Variants in RNF126 observed in about 807,000 individuals in gnomAD.
RNF126 encodes the protein ring finger protein 126, also known as E3 ubiquitin-protein ligase RNF126.
A neutral mutation model predicts 41.9 loss-of-function variants in RNF126; 20 were observed. The observed-to-expected ratio is 0.48, with a 90% CI of 0.34 to 0.69. RNF126 has a LOEUF of 0.69. RNF126 is among the 30% of genes least tolerant of loss of function. RNF126 has a pLI of 0.01. For missense variants in RNF126, 433 were observed against 460.6 expected (o/e 0.94, Z 0.55); for synonymous variants, 239 against 202.9 (o/e 1.18, Z -1.51).
intron 1 of RNF126, among the ~76,000 whole-genome samples, chr19:662,184 G>A (rs1244112527): frequency 2.0e-5 from 3 of 152,160 alleles, no homozygotes; most frequent in Admixed American, 2.0e-4. Context: ...AGACTGCTGA[G>A]CGCATTCCAC....
intron 1 of RNF126, among the ~76,000 whole-genome samples, chr19:653,409 C>T (rs138500516): frequency 1.4e-4 from 21 of 152,364 alleles, no homozygotes; most frequent in Admixed American, 2.0e-4. Context: ...ATGGTGATGT[C>T]CCAGAGGAGA....
rs1214025260 is a variant in RNF126 at position 652,263 on chromosome 19, A to G, written c.168T>C (p.Ala56=). Residue 56 remains alanine, a synonymous_variant, in exon 3 of 9, where the codon GCT becomes GCC. Coordinates refer to ENST00000292363, the MANE Select transcript of RNF126 (RefSeq NM_194460.3). ...STENGSAPST[A]PTDQSRPPLE... ...ACGGTGGCCGGCTCTGGTCTGTGGGAGCTGTGGAGGGGGCAGAACCATTTT... is the reference window on the plus strand; with the variant it reads ...ACGGTGGCCGGCTCTGGTCTGTGGGGGCTGTGGAGGGGGCAGAACCATTTT... The G allele has an allele frequency of 1.3e-6, 2 of 1,550,038 alleles. No individual in the cohort carries two copies. Among genetic ancestry groups the G allele is most frequent in the African/African-American group, 1.4e-5 (1 of 71,984 alleles).
intron 1 of RNF126, among the ~76,000 whole-genome samples, chr19:660,123 C>T (rs796235227): frequency 9.8e-5 from 15 of 152,358 alleles, no homozygotes; most frequent in East Asian, 3.9e-4. Context: ...CCTGAGCCCC[C>T]GACCGCAAGT....
At chr19:653,836 G>A (rs1038860358) in intron 1 of RNF126, among the ~76,000 whole-genome samples, 3 of 152,250 alleles carry the variant, frequency 2.0e-5, no homozygotes, top group East Asian at 3.8e-4. Context: ...CACACGGCAC[G>A]TGTCATCACG....
chr19:651,802 G>T lies in RNF126; in HGVS notation c.252C>A (p.Phe84Leu). ...TLPQGYGQFAFGIFDDSFEIP... is the reference protein window; with the variant it reads ...TLPQGYGQFALGIFDDSFEIP... ...TCTCGAAGCTGTCATCGAAGATGCC[G>T]AAAGCAAACTGTCCGTAGCCCTGCG... is the stretch of plus-strand genomic sequence containing the variant. The change falls in exon 4 of 9, where the codon TTC (phenylalanine) becomes TTA (leucine). Residue 84 changes from phenylalanine (F) to leucine (L), a missense_variant. This residue lies in a region of RNF126 where 247 missense variants were observed against 224.7 expected (regional missense o/e 1.10). Transcript: ENST00000292363. 6.2e-7 allele frequency: 1 copy of T among 1,612,650 alleles called. No homozygotes were observed. The highest frequency in any genetic ancestry group is 1.1e-5 in the South Asian group (1 of 91,038).
At chr19:650,464 CAGG>C in intron 4 of RNF126, 168 bp from the exon 5 acceptor site, 2 of 589,404 alleles carry the variant, frequency 3.4e-6, no homozygotes, top group East Asian at 6.1e-5. Context: ...AATGCCGAGG[CAGG>C]AGAGAAGCAG....
chr19:653,645 G>A (rs1290693124), intron 1 of RNF126, among the ~76,000 whole-genome samples: 16 of 152,186 alleles, frequency 1.1e-4, no homozygotes, highest in South Asian at 2.1e-4. Context: ...GGAGCGTGCC[G>A]AGCATTCGTG....
intron 1 of RNF126, 62 bp from the exon 2 acceptor site, chr19:652,946 A>G: frequency 1.3e-6 from 2 of 1,504,240 alleles, no homozygotes; most frequent in Non-Finnish European, 1.8e-6. Context: ...AACCCCCCCA[A>G]GTGTGAGGAC....
rs987613402 is a variant in RNF126, at chr19:659,556, G to C, written c.75+3491C>G. Among the ~76,000 whole-genome samples the C allele has an allele frequency of 6.6e-6, 1 of 152,184 alleles. No homozygotes were observed. Among genetic ancestry groups the C allele is most frequent in the Non-Finnish European group, 1.5e-5 (1 of 68,016 alleles). ...CAGGGCCACCTCCCTGCGCCCGCCT[G>C]GTTCCTGGGGGCTCAGTGCCCTCAG... is the stretch of plus-strand genomic sequence containing the variant. On this transcript the variant is annotated intron_variant, in intron 1 of 8. Coordinates refer to ENST00000292363, the MANE Select transcript of RNF126 (RefSeq NM_194460.3). This position sits in a 1 kb window ranked among gnomAD's most constrained non-coding sequence, Gnocchi z 4.9.
chr19:658,440 CAGGAGACCCCA>C lies in RNF126; in HGVS notation c.75+4596_75+4606del. 1.3e-5 allele frequency among the ~76,000 whole-genome samples: 2 copies of C among 152,198 alleles called. 1 individual carries two copies. Among genetic ancestry groups the C allele is most frequent in the South Asian group, 4.1e-4 (2 of 4,828 alleles). On this transcript the variant is annotated intron_variant, in intron 1 of 8. Transcript: ENST00000292363. Reference sequence around the variant, plus strand: ...AGGGCCCTCGGGAAGCTGTGCACATCAGGAGACCCCAGGGAGAGTCATGGTGCAGTGCTCGG... The same window carrying C: ...AGGGCCCTCGGGAAGCTGTGCACATCGGGAGAGTCATGGTGCAGTGCTCGG...
rs1049361455 is a variant in RNF126 at position 659,706 on chromosome 19, C to T, written c.75+3341G>A. Among the ~76,000 whole-genome samples the T allele has an allele frequency of 6.6e-6, 1 of 152,002 alleles. No individual in the cohort carries two copies. The highest frequency in any genetic ancestry group is 1.5e-5 in the Non-Finnish European group (1 of 67,978). ...GGCCTGTCTGGTTCCTGCCGCCACA[C>T]GCCCCACTCTGGCTGACGCTCCCTT... is the stretch of plus-strand genomic sequence containing the variant. On this transcript the variant is annotated intron_variant, in intron 1 of 8. Coordinates refer to ENST00000292363, the MANE Select transcript of RNF126 (RefSeq NM_194460.3). The surrounding 1 kb of genome is among the most constrained non-coding windows in gnomAD (Gnocchi z 4.9).
intron 1 of RNF126, among the ~76,000 whole-genome samples, chr19:658,859 C>A (rs2144774898): frequency 6.6e-6 from 1 of 152,326 alleles, no homozygotes; most frequent in Middle Eastern, 3.4e-3. Context: ...CGTGCCAGTG[C>A]CAGGGGTGCT....
intron 6 of RNF126, chr19:649,243 A>C: frequency 7.4e-6 from 2 of 272,096 alleles, no homozygotes; most frequent in South Asian, 1.4e-4. Context: ...CGCGCTCCTG[A>C]GTGCCCTGAC....
chr19:658,950 C>T lies in RNF126; in HGVS notation c.75+4097G>A, dbSNP rs565480669. 2.2e-3 allele frequency among the ~76,000 whole-genome samples: 341 copies of T among 152,292 alleles called. 1 individual carries two copies. Among genetic ancestry groups the T allele is most frequent in the African/African-American group, 7.6e-3 (316 of 41,544 alleles). ...AGGAAATTCAGCACCGGCATCTGCC[C>T]GAGGCAGACCCCAGCGCCAGCCGGC... On this transcript the variant is annotated intron_variant, in intron 1 of 8. Coordinates refer to ENST00000292363, the MANE Select transcript of RNF126 (RefSeq NM_194460.3).
intron 1 of RNF126, among the ~76,000 whole-genome samples, chr19:655,250 A>C: frequency 6.6e-6 from 1 of 151,850 alleles, no homozygotes. Flanking sequence ...GAATGGCTTG[A>C]GTCCAGGAGA....
In RNF126 at chr19:652,842, G is replaced by A. The variant is rs771113847; in HGVS notation, c.118C>T (p.Leu40Phe). 1 of 1,613,236 alleles carries A rather than the reference G, an allele frequency of 6.2e-7. No individual in the cohort carries two copies. Among genetic ancestry groups the A allele is most frequent in the South Asian group, 1.1e-5 (1 of 90,940 alleles). The change falls in exon 2 of 9, where the codon CTT (leucine) becomes TTT (phenylalanine). Residue 40 changes from leucine to phenylalanine, a missense_variant. Leu to Phe is a conservative substitution (Grantham distance 22). Transcript: ENST00000292363. The part of the protein sequence containing the change: ...PRCESGFIEE[L>F]PEETRSTENG... Reference sequence around the variant, plus strand: ...CTGCATTACCTGGTCTCTTCCGGAAGCTCCTCGATAAAACCAGACTCGCAT... The same window carrying A: ...CTGCATTACCTGGTCTCTTCCGGAAACTCCTCGATAAAACCAGACTCGCAT...
Position 648,350 on chromosome 19 carries a change from GGC to G in RNF126, c.786+20_786+21del. On this transcript the variant is annotated intron_variant, in intron 8 of 8. Transcript: ENST00000292363. ...GGGAGGGCCGCGGTCGGGGTGGGGG[GGC>G]GGGTGGGCGGGGCACTCACCTGCTC... is the stretch of plus-strand genomic sequence containing the variant. 1.8e-6 allele frequency: 1 copy of G among 571,360 alleles called. No homozygotes were observed. Among genetic ancestry groups the G allele is most frequent in the Non-Finnish European group, 2.9e-6 (1 of 339,090 alleles). The allele number at this position is 571,360 out of a possible 1,614,324, so 35.4% of individuals were successfully genotyped here. A position where few individuals can be genotyped will look rare whatever the true frequency, so the allele number is the denominator to read the frequency against.
chr19:663,077 G>A lies in RNF126; in HGVS notation c.45C>T (p.Cys15=). 7.3e-7 allele frequency: 1 copy of A among 1,375,116 alleles called. No homozygotes were observed. 85.2% of individuals were successfully genotyped at this position (1,375,116 alleles called of 1,614,324 possible). Residue 15 remains cysteine (C), a synonymous_variant, in exon 1 of 9, where the codon TGC becomes TGT. Transcript: ENST00000292363. Reference sequence around the variant, plus strand: ...GGCGCGGGACGATCTCCACGGAGCAGCAGTGGCAGAAGTACCGTCCGGGAT... The same window carrying A: ...GGCGCGGGACGATCTCCACGGAGCAACAGTGGCAGAAGTACCGTCCGGGAT... ...SPHPGRYFCH[C]CSVEIVPRLP...
intron 6 of RNF126, 74 bp from the exon 7 acceptor site, chr19:649,049 G>A (rs932538348): frequency 7.9e-5 from 57 of 722,662 alleles, no homozygotes; most frequent in Non-Finnish European, 1.1e-4. Flanking sequence ...CGAGGCTGCA[G>A]GACCTGCAAA....
Sources: allele counts gnomAD v4.1 joint callset (sites outside exome capture counted in the v4.1 genomes callset), GRCh38; gene constraint gnomAD v4.1.1; regional missense constraint gnomAD v4.1.1; non-coding constraint Gnocchi (gnomAD v3.1); transcripts MANE v1.5; gene names NCBI Gene and HGNC (gene_info 2026-07-23, HGNC 2026-07-21).